The following ALDH1L2 variants were observed in gnomAD, a reference collection of about 807,000 sequenced individuals.
The protein encoded by ALDH1L2 is mitochondrial 10-formyltetrahydrofolate dehydrogenase.
In ALDH1L2, 91 loss-of-function variants were observed where a neutral mutation model predicts 111.0. The ratio of observed to expected loss-of-function variants is 0.82; its 90% CI spans 0.69 to 0.98. The LOEUF is 0.98. Ranked by LOEUF, ALDH1L2 falls within the 50% of genes least tolerant of loss-of-function variation. ALDH1L2 has a pLI of 0.00. For missense variants in ALDH1L2, 995 were observed against 1,126.8 expected, an observed-to-expected ratio of 0.88 and a Z score of 1.67; for synonymous variants, 374 against 392.6, an observed-to-expected ratio of 0.95 and a Z score of 0.56.
chr12:105,038,443 G>C (rs530341100), intron 17 of ALDH1L2, among the ~76,000 whole-genome samples: 1 of 152,170 alleles, frequency 6.6e-6, no homozygotes, highest in East Asian at 1.9e-4. Context: ...AGGTAGAAGG[G>C]ATCCTTTAAG....
At chr12:105,032,340 G>A (rs1375633774) in intron 19 of ALDH1L2, among the ~76,000 whole-genome samples, 1 of 151,974 alleles carries the variant, frequency 6.6e-6, no homozygotes. Flanking sequence ...ACTGCGTCCG[G>A]CTATTCTCAT....
In ALDH1L2 at chr12:105,026,727, A is replaced by C. The variant is rs1335345425; in HGVS notation, c.2534T>G (p.Leu845Trp). The C allele has an allele frequency of 6.2e-7, 1 of 1,614,190 alleles. No individual in the cohort carries two copies. Among genetic ancestry groups the C allele is most frequent in the South Asian group, 1.1e-5 (1 of 91,072 alleles). Residue 845 changes from leucine (L) to tryptophan (W), a missense_variant, in exon 22 of 23, where the codon TTG (leucine) becomes TGG (tryptophan). Physicochemically the swap from Leu to Trp is moderately conservative, Grantham distance 61 (BLOSUM62 -2). Coordinates refer to ENST00000258494, the MANE Select transcript of ALDH1L2 (RefSeq NM_001034173.4). ...KFQNGDIDGV[L>W]QRANSTEYGL... ...ATACTCTGTACTATTTGCTCGCTGC[A>C]ACACTCCATCGATGTCCCTGTGTTT...
intron 15 of ALDH1L2, among the ~76,000 whole-genome samples, chr12:105,045,772 A>C (rs2136067455): frequency 6.8e-6 from 1 of 146,536 alleles, no homozygotes; most frequent in African/African-American, 2.5e-5. Flanking sequence ...ATGAAACTGT[A>C]TTTTTTTAAA....
chr12:105,039,864 C>T, intron 16 of ALDH1L2, 58 bp from the exon 17 acceptor site: 4 of 1,496,372 alleles, frequency 2.7e-6, no homozygotes, highest in Middle Eastern at 1.7e-4. Context: ...GGCGCGGTGG[C>T]TTACGCCTGT....
intron 8 of ALDH1L2, 23 bp from the exon 9 acceptor site, chr12:105,061,095 T>G (rs766636237): frequency 1.9e-6 from 3 of 1,592,898 alleles, no homozygotes; most frequent in Non-Finnish European, 1.7e-6. Flanking sequence ...GAAACTCTTA[T>G]GAGGGAAGTG....
chr12:105,046,193 C>CTATATATATA (rs1555225141), intron 15 of ALDH1L2, among the ~76,000 whole-genome samples: 12 of 20,176 alleles, frequency 5.9e-4, no homozygotes, highest in East Asian at 2.8e-3. Flanking sequence ...CTCTCTCTCT[C>CTATATATATA]TATATATATA....
At chr12:105,083,285 C>T (rs550019988) in intron 1 of ALDH1L2, among the ~76,000 whole-genome samples, 22 of 152,276 alleles carry the variant, frequency 1.4e-4, no homozygotes, top group African/African-American at 5.1e-4. Context: ...AATGAGGGGT[C>T]CAGGAGAGCA....
At chr12:105,075,057 T>TA (rs1213470249) in intron 1 of ALDH1L2, among the ~76,000 whole-genome samples, 10 of 152,246 alleles carry the variant, frequency 6.6e-5, no homozygotes, top group Non-Finnish European at 1.2e-4. Flanking sequence ...TCAAATCCTA[T>TA]AACTAATGCT....
intron 20 of ALDH1L2, 131 bp from the exon 21 acceptor site, chr12:105,030,560 C>A (rs1874644491): frequency 1.6e-6 from 1 of 623,660 alleles, no homozygotes; most frequent in Non-Finnish European, 2.5e-6. Flanking sequence ...AGTTGCATTT[C>A]TCTATTTGGT....
chr12:105,042,074 A>G (rs923671089), intron 15 of ALDH1L2, among the ~76,000 whole-genome samples: 3 of 132,262 alleles, frequency 2.3e-5, no homozygotes, highest in African/African-American at 8.0e-5. Flanking sequence ...AGATGTATGT[A>G]TACACAACAC....
At chr12:105,060,611 GGC>G (rs1876929582) in intron 9 of ALDH1L2, 2 of 167,328 alleles carry the variant, frequency 1.2e-5, no homozygotes, top group Non-Finnish European at 2.6e-5. Flanking sequence ...GATCAGCTGA[GGC>G]CAGGAGTTCG....
In ALDH1L2 at chr12:105,026,566, ATTGT is replaced by A; in HGVS notation, c.2691_2694del (p.Lys897AsnfsTer8). On this transcript the variant is annotated frameshift_variant, in exon 22 of 23. Transcript: ENST00000258494. LOFTEE classifies it high-confidence loss of function. The stretch of plus-strand genomic sequence containing the variant: ...ATACCTAAGTCTTTTCCAAAGCCAG[ATTGT>A]TTAACTCCGCCAAATGGGGCCGCCA... The A allele has an allele frequency of 2.5e-6, 4 of 1,614,106 alleles. No homozygotes were observed. The highest frequency in any genetic ancestry group is 3.4e-6 in the Non-Finnish European group (4 of 1,180,000).
At chr12:105,084,309 C>A in intron 1 of ALDH1L2, 80 bp downstream of exon 1, 1 of 1,450,696 alleles carries the variant, frequency 6.9e-7, no homozygotes, top group Non-Finnish European at 9.1e-7. Context: ...TCCCCAGCCC[C>A]ACCGCCCCGG....
intron 4 of ALDH1L2, 121 bp from the exon 5 acceptor site, chr12:105,066,790 T>G: frequency 4.1e-6 from 3 of 737,528 alleles, no homozygotes; most frequent in Non-Finnish European, 7.0e-6. Context: ...GTCAAGAGTA[T>G]GATGATAACT....
chr12:105,066,628 A>G lies in ALDH1L2; in HGVS notation c.636T>C (p.Arg212=), dbSNP rs142004621. The change falls in exon 5 of 23, where the codon CGT becomes CGC. Residue 212 remains arginine (R), a synonymous_variant. Transcript: ENST00000258494. ...VQLIADGKAP[R]IPQPEEGATY... Reference sequence around the variant, plus strand: ...TTGCCCCTTCTTCTGGCTGGGGTATACGAGGAGCTTTTCCATCAGCTATGA... The same window carrying G: ...TTGCCCCTTCTTCTGGCTGGGGTATGCGAGGAGCTTTTCCATCAGCTATGA... The G allele has an allele frequency of 9.3e-6, 15 of 1,614,194 alleles. No individual in the cohort carries two copies. The African/African-American group carries it at 2.0e-4, about 22-fold the overall frequency.
chr12:105,067,594 TCTC>T (rs1370362676), intron 4 of ALDH1L2, among the ~76,000 whole-genome samples: 3 of 152,170 alleles, frequency 2.0e-5, no homozygotes, highest in Admixed American at 2.0e-4. Context: ...TGCATTTTCT[TCTC>T]TGTTATATTT....
intron 10 of ALDH1L2, 49 bp from the exon 11 acceptor site, chr12:105,052,980 T>G: frequency 6.3e-7 from 1 of 1,599,024 alleles, no homozygotes; most frequent in Non-Finnish European, 8.6e-7. Flanking sequence ...GTTTACCAAT[T>G]TGATGTCAAA....
Position 105,026,889 on chromosome 12 carries a change from G to A in ALDH1L2, c.2517-145C>T, listed in dbSNP as rs192926711. On this transcript the variant is annotated intron_variant, in intron 21 of 22. Transcript: ENST00000258494. ...GTTTTTGTTGTTGTTGTTTTTTAGA[G>A]GCCAGGCATTGCTCTGTCACCTAGG... 15 of 986,642 alleles carry A rather than the reference G, an allele frequency of 1.5e-5. No individual in the cohort carries two copies. In the East Asian group the frequency reaches 3.8e-4, roughly 25 times the overall value. 61.1% of individuals were successfully genotyped at this position (986,642 alleles called of 1,614,324 possible).
intron 15 of ALDH1L2, 48 bp from the exon 16 acceptor site, chr12:105,040,742 C>T (rs1875481475): frequency 1.3e-6 from 2 of 1,544,648 alleles, no homozygotes; most frequent in Non-Finnish European, 1.8e-6. Context: ...CTAACCTGAC[C>T]TTTAGCCCAG....
Sources: allele counts gnomAD v4.1 joint callset (sites outside exome capture counted in the v4.1 genomes callset), GRCh38; gene constraint gnomAD v4.1.1; transcripts MANE v1.5; gene names NCBI Gene and HGNC (gene_info 2026-07-23, HGNC 2026-07-21).